ZC3H12B: variants seen among roughly 807,000 people sequenced by gnomAD.
ZC3H12B encodes zinc finger CCCH-type containing 12B, also known as probable ribonuclease ZC3H12B.
A neutral mutation model predicts 43.9 loss-of-function variants in ZC3H12B; 7 were observed. The ratio of observed to expected loss-of-function variants is 0.16; its 90% CI spans 0.09 to 0.30. The LOEUF (loss-of-function observed/expected upper bound fraction) is 0.30, where lower values mean the gene tolerates loss of function less well. Ranked by LOEUF, ZC3H12B falls within the 10% of genes least tolerant of loss-of-function variation. The pLI is 1.00. For synonymous variants in ZC3H12B, 222 were observed against 241.7 expected (o/e 0.92, Z 0.76); for missense variants, 475 against 670.2 (o/e 0.71, Z 3.22).
the ZC3H12B span, among the ~76,000 whole-genome samples, chrX:65,158,782 T>C: frequency 8.9e-6 from 1 of 112,048 alleles, no homozygotes; most frequent in Non-Finnish European, 1.9e-5. Flanking sequence ...TTTAATTAGA[T>C]CCCATTTGTC....
the ZC3H12B span, among the ~76,000 whole-genome samples, chrX:65,187,770 A>G: frequency 7.7e-3 from 843 of 109,784 alleles, 3 homozygotes; most frequent in Middle Eastern, 0.024. Context: ...TACATGGGGT[A>G]TCTGTGATCT....
intron 3 of ZC3H12B, among the ~76,000 whole-genome samples, chrX:65,431,134 T>C (rs901653460): frequency 8.9e-6 from 1 of 112,621 alleles, no homozygotes; most frequent in African/African-American, 3.2e-5. Flanking sequence ...CTTCTTTTCT[T>C]GTGAAGTGGG....
intron 3 of ZC3H12B, among the ~76,000 whole-genome samples, chrX:65,461,427 G>C (rs1285441713): frequency 8.9e-6 from 1 of 112,043 alleles, no homozygotes; most frequent in African/African-American, 3.2e-5. Flanking sequence ...GCACTATTCA[G>C]AATAGCAAAG....
chrX:65,204,571 A>G, the ZC3H12B span, among the ~76,000 whole-genome samples: 1 of 111,945 alleles, frequency 8.9e-6, no homozygotes. Context: ...ACAAACTCAT[A>G]TCAGCAAACT....
chrX:65,321,439 T>C, the ZC3H12B span, among the ~76,000 whole-genome samples: 1 of 111,944 alleles, frequency 8.9e-6, no homozygotes, highest in Non-Finnish European at 1.9e-5. Context: ...GGAATGCTTG[T>C]ACACTGTTGG....
chrX:65,155,427 C>G, the ZC3H12B span, among the ~76,000 whole-genome samples: 2 of 111,699 alleles, frequency 1.8e-5, no homozygotes, highest in Non-Finnish European at 3.8e-5. Context: ...TGGGCTAAAC[C>G]CACTTTGATC....
chrX:65,321,227 G>A, the ZC3H12B span, among the ~76,000 whole-genome samples: 2 of 110,871 alleles, frequency 1.8e-5, no homozygotes, highest in African/African-American at 3.3e-5. Flanking sequence ...AGTGGACAAA[G>A]GACACAACAG....
chrX:65,408,317 A>G (rs1245660887), intron 3 of ZC3H12B: 12 of 1,196,435 alleles, frequency 1.0e-5, no homozygotes, highest in Non-Finnish European at 1.2e-5. Context: ...GCACAAACAG[A>G]CTGAAATCGC....
chrX:65,130,433 G>A, the ZC3H12B span, among the ~76,000 whole-genome samples: 1 of 110,915 alleles, frequency 9.0e-6, no homozygotes, highest in African/African-American at 3.3e-5. Context: ...CCTGGACCAA[G>A]GGGTATTTTA....
At chrX:65,392,406 T>A (rs1347582648) in intron 2 of ZC3H12B, among the ~76,000 whole-genome samples, 1 of 110,832 alleles carries the variant, frequency 9.0e-6, no homozygotes, top group Non-Finnish European at 1.9e-5. Flanking sequence ...GAGGAGCGCC[T>A]CTGTCCAGCT....
the ZC3H12B span, among the ~76,000 whole-genome samples, chrX:65,339,302 C>T: frequency 9.0e-6 from 1 of 111,519 alleles, no homozygotes; most frequent in South Asian, 3.8e-4. Context: ...CTGCATGGGT[C>T]TACAGTGCAC....
At chrX:65,351,022 C>T in the ZC3H12B span, among the ~76,000 whole-genome samples, 1 of 111,750 alleles carries the variant, frequency 8.9e-6, no homozygotes, top group Non-Finnish European at 1.9e-5. Flanking sequence ...CAAGACAATC[C>T]TGGGCAAGAA....
chrX:65,383,364 AT>A (rs1196258833), intron 2 of ZC3H12B, among the ~76,000 whole-genome samples: 5 of 112,104 alleles, frequency 4.5e-5, no homozygotes, highest in African/African-American at 1.6e-4. Flanking sequence ...AGGATTCCCT[AT>A]TTAATAAATG....
chrX:65,129,292 AAT>A, the ZC3H12B span, among the ~76,000 whole-genome samples: 1 of 99,259 alleles, frequency 1.0e-5, no homozygotes, highest in Non-Finnish European at 1.9e-5. Context: ...CACACACTAG[AAT>A]ATATATGTCA....
intron 3 of ZC3H12B, among the ~76,000 whole-genome samples, chrX:65,454,409 C>G (rs987190985): frequency 8.9e-6 from 1 of 112,245 alleles, no homozygotes; most frequent in Admixed American, 9.4e-5. Context: ...GATCAAACTG[C>G]AAGGCGGCAG....
the ZC3H12B span, among the ~76,000 whole-genome samples, chrX:65,159,183 G>A: frequency 1.8e-5 from 2 of 111,988 alleles, no homozygotes; most frequent in Admixed American, 9.5e-5. Context: ...TAGCCTCGTA[G>A]TATAATTTGA....
chrX:65,374,009 AAC>A (rs2066302274), intron 2 of ZC3H12B, among the ~76,000 whole-genome samples: 1 of 25,141 alleles, frequency 4.0e-5, no homozygotes, highest in African/African-American at 3.4e-4. Flanking sequence ...ATATATATAT[AAC>A]TATATATACA....
At chrX:65,330,136 G>A in the ZC3H12B span, among the ~76,000 whole-genome samples, 6 of 109,836 alleles carry the variant, frequency 5.5e-5, no homozygotes, top group Non-Finnish European at 9.5e-5. Context: ...AAATTACCTT[G>A]GGCAGTATGG....
the ZC3H12B span, among the ~76,000 whole-genome samples, chrX:65,170,121 C>T: frequency 2.7e-5 from 3 of 111,858 alleles, no homozygotes; most frequent in Non-Finnish European, 3.8e-5. Flanking sequence ...GCAGTTTCTT[C>T]CTAGCACCAA....
Sources: gnomAD v4.1 joint callset for allele counts (sites outside exome capture counted in the v4.1 genomes callset) on GRCh38, gnomAD v4.1.1 for gene constraint, MANE v1.5 for transcripts, NCBI Gene and HGNC (gene_info 2026-07-23, HGNC 2026-07-21) for gene names.